Variants in ZFY observed in about 807,000 individuals in gnomAD.
ZFY encodes the protein zinc finger protein Y-linked.
For synonymous variants in ZFY, 47 were observed against 55.8 expected (o/e 0.84, Z 0.71); for missense variants, 113 against 170.9 (o/e 0.66, Z 1.89).
chrY:2,976,378 G>A, intron 5 of ZFY, among the ~76,000 whole-genome samples: 1 of 32,183 alleles, frequency 3.1e-5, no homozygotes, highest in Admixed American at 2.8e-4. Context: ...CAAAGTGCTG[G>A]GATTACAGGC....
chrY:2,956,342 G>T (rs755821639), intron 2 of ZFY, among the ~76,000 whole-genome samples: 7 of 32,852 alleles, frequency 2.1e-4, no homozygotes, highest in Non-Finnish European at 3.7e-4. Flanking sequence ...CACTTCATTT[G>T]TATTATTATT....
chrY:2,944,094 A>G, intron 1 of ZFY, among the ~76,000 whole-genome samples: 1 of 33,634 alleles, frequency 3.0e-5, no homozygotes, highest in African/African-American at 1.2e-4. Flanking sequence ...ATTTACTTGA[A>G]TGTTTTTTCT....
In ZFY at chrY:2,954,000, A is replaced by G; in HGVS notation, c.61+3A>G. 1 of 383,944 alleles carries G rather than the reference A, an allele frequency of 2.6e-6. No individual in the cohort carries two copies. Among genetic ancestry groups the G allele is most frequent in the Non-Finnish European group, 3.6e-6 (1 of 274,575 alleles). On this transcript the variant is annotated splice_donor_region_variant and intron_variant, in intron 2 of 7. Transcript: ENST00000155093. ...AAACTCATTTTTTGATGGAATAGGT[A>G]TTACTATTTATTGGGTTGTTTCACT...
intron 1 of ZFY, among the ~76,000 whole-genome samples, chrY:2,946,880 C>T: frequency 3.2e-5 from 1 of 30,855 alleles, no homozygotes; most frequent in African/African-American, 1.3e-4. Context: ...GGCTTGGTGG[C>T]GGGCACCTGT....
At chrY:2,973,201 A>G (rs770475334) in intron 3 of ZFY, among the ~76,000 whole-genome samples, 18 of 31,904 alleles carry the variant, frequency 5.6e-4, no homozygotes, top group African/African-American at 2.2e-3. Flanking sequence ...AGCTGGGATT[A>G]CAGGCATGTG....
At chrY:2,949,481 G>A (rs2124503055) in intron 1 of ZFY, among the ~76,000 whole-genome samples, 1 of 30,434 alleles carries the variant, frequency 3.3e-5, no homozygotes, top group South Asian at 7.6e-4. Context: ...TGGGAAATAG[G>A]CACTCTTACA....
intron 1 of ZFY, among the ~76,000 whole-genome samples, chrY:2,942,045 T>C (rs1025525550): frequency 3.3e-4 from 10 of 30,423 alleles, no homozygotes; most frequent in African/African-American, 1.3e-3. Flanking sequence ...CTTGAACTCT[T>C]GGCCTCAAAT....
intron 1 of ZFY, among the ~76,000 whole-genome samples, chrY:2,943,021 T>C (rs966983256): frequency 2.9e-5 from 1 of 33,905 alleles, no homozygotes; most frequent in Non-Finnish European, 7.3e-5. Context: ...AGAAATCCTA[T>C]TGACTTTCAG....
chrY:2,965,939 AAC>A (rs2051326219), intron 3 of ZFY, among the ~76,000 whole-genome samples: 1 of 34,065 alleles, frequency 2.9e-5, no homozygotes, highest in Non-Finnish European at 7.3e-5. Flanking sequence ...CATATGACAA[AAC>A]ACACACACAC....
Position 2,935,615 on chromosome Y carries a change from T to C in ZFY, c.-183T>C, listed in dbSNP as rs1000144147. 5.6e-5 allele frequency: 2 copies of C among 35,554 alleles called. No individual in the cohort carries two copies. The highest frequency in any genetic ancestry group is 1.4e-4 in the Non-Finnish European group (2 of 14,089). 8.9% of individuals were successfully genotyped at this position (35,554 alleles called of 400,897 possible). A position where few individuals can be genotyped will look rare whatever the true frequency, so the allele number is the denominator to read the frequency against. On this transcript the variant is annotated 5_prime_UTR_variant, in exon 1 of 8. Coordinates refer to ENST00000155093, the MANE Select transcript of ZFY (RefSeq NM_003411.4). ...GCAGTTAGGCCTAGTGATTATCCAG[T>C]TGCCCTGAGCGGCTGCGGAGGTGCG...
Position 2,979,219 on chromosome Y carries a change from T to C in ZFY, c.1632T>C (p.His544=), listed in dbSNP as rs1354972029. ...LLAVHSKNFP[H]ICVECGKGFR... ...CAGTCCACAGCAAGAACTTTCCTCA[T>C]ATTTGTGTGGAGTGTGGTAAAGGTT... is the stretch of plus-strand genomic sequence containing the variant. Residue 544 remains histidine, a synonymous_variant, in exon 8 of 8, where the codon CAT becomes CAC. Transcript: ENST00000155093. 2.5e-6 allele frequency: 1 copy of C among 397,008 alleles called. No individual in the cohort carries two copies. The highest frequency in any genetic ancestry group is 6.4e-5 in the African/African-American group (1 of 15,600).
Position 2,980,262 on chromosome Y carries a change from C to G in ZFY, c.*269C>G. The G allele has an allele frequency of 9.5e-6, 1 of 105,606 alleles. No homozygotes were observed. Among genetic ancestry groups the G allele is most frequent in the South Asian group, 6.7e-5 (1 of 14,862 alleles). 26.3% of individuals were successfully genotyped at this position (105,606 alleles called of 400,897 possible). On this transcript the variant is annotated 3_prime_UTR_variant, in exon 8 of 8. Coordinates refer to ENST00000155093, the MANE Select transcript of ZFY (RefSeq NM_003411.4). ...TATACTGAATTTTCAGTCATAAAAG[C>G]TTTACTATTTATTTACATATTTATT... is the stretch of plus-strand genomic sequence containing the variant.
chrY:2,950,874 G>A (rs530645781), intron 1 of ZFY, among the ~76,000 whole-genome samples: 4 of 33,523 alleles, frequency 1.2e-4, no homozygotes, highest in Admixed American at 2.7e-4. Flanking sequence ...TTTCTCACTT[G>A]TTTGAGCTCT....
At chrY:2,942,351 G>A in intron 1 of ZFY, among the ~76,000 whole-genome samples, 1 of 9,045 alleles carries the variant, frequency 1.1e-4, no homozygotes, top group Non-Finnish European at 2.2e-4. Context: ...TTTTTTTTGA[G>A]ACGGGGCCTC....
intron 1 of ZFY, among the ~76,000 whole-genome samples, chrY:2,949,889 TACAC>T (rs2051273148): frequency 3.3e-5 from 1 of 30,496 alleles, no homozygotes; most frequent in Non-Finnish European, 7.8e-5. Context: ...TATATACACA[TACAC>T]ACACAAACAC....
chrY:2,944,007 C>T (rs2051253882), intron 1 of ZFY, among the ~76,000 whole-genome samples: 1 of 33,302 alleles, frequency 3.0e-5, no homozygotes, highest in Admixed American at 2.7e-4. Flanking sequence ...TGTTATTGTT[C>T]TTTCTATGTA....
intron 3 of ZFY, among the ~76,000 whole-genome samples, chrY:2,969,778 G>C (rs2051342178): frequency 3.0e-5 from 1 of 32,827 alleles, no homozygotes; most frequent in Non-Finnish European, 7.5e-5. Flanking sequence ...TATGAAATCA[G>C]TCAGGGGCAT....
intron 3 of ZFY, among the ~76,000 whole-genome samples, chrY:2,969,039 G>C (rs2051339637): frequency 2.9e-5 from 1 of 33,985 alleles, no homozygotes. Context: ...AAAAGGAAAT[G>C]CATGTATTAA....
chrY:2,949,015 A>AT (rs2051270701), intron 1 of ZFY, among the ~76,000 whole-genome samples: 7 of 28,376 alleles, frequency 2.5e-4, no homozygotes, highest in East Asian at 1.8e-3. Flanking sequence ...CACCCAACTA[A>AT]TTTTTTTTTT....
Sources: gnomAD v4.1 joint callset for allele counts (sites outside exome capture counted in the v4.1 genomes callset) on GRCh38, gnomAD v4.1.1 for gene constraint, MANE v1.5 for transcripts, NCBI Gene and HGNC (gene_info 2026-07-23, HGNC 2026-07-21) for gene names.